AGBL4: variants seen among roughly 807,000 people sequenced by gnomAD.
AGBL4 encodes AGBL carboxypeptidase 4.
In AGBL4, 58 loss-of-function variants were observed where a neutral mutation model predicts 66.4. The ratio of observed to expected loss-of-function variants is 0.87; its 90% confidence interval spans 0.71 to 1.09. The LOEUF is 1.09. Ranked by LOEUF, AGBL4 falls within the 50% of genes least tolerant of loss-of-function variation. The pLI, the probability that AGBL4 is intolerant of heterozygous loss-of-function variation, is 0.00. For synonymous variants in AGBL4, 234 were observed against 222.9 expected (o/e 1.05, Z -0.44); for missense variants, 579 against 631.0 (o/e 0.92, Z 0.88).
chr1:48,686,839 T>C (rs947764804), intron 6 of AGBL4, among the ~76,000 whole-genome samples: 5 of 152,210 alleles, frequency 3.3e-5, no homozygotes, highest in African/African-American at 1.2e-4. Context: ...TCTGAGGGCC[T>C]AGTCAGTGCC....
At chr1:48,674,113 C>A (rs1646324270) in intron 6 of AGBL4, among the ~76,000 whole-genome samples, 1 of 152,224 alleles carries the variant, frequency 6.6e-6, no homozygotes, top group Admixed American at 6.5e-5. Flanking sequence ...ATCACACCTC[C>A]TCACACCTTT....
intron 4 of AGBL4, among the ~76,000 whole-genome samples, chr1:49,185,820 A>G (rs1257444102): frequency 6.6e-6 from 1 of 152,038 alleles, no homozygotes; most frequent in Admixed American, 6.6e-5. Context: ...TATTCTTGCA[A>G]CTATTTAAGG....
intron 2 of AGBL4, among the ~76,000 whole-genome samples, chr1:49,832,693 C>G (rs1645725468): frequency 6.6e-6 from 1 of 151,822 alleles, no homozygotes; most frequent in African/African-American, 2.4e-5. Context: ...GCCATTCTAA[C>G]TGGTGTGAGA....
chr1:49,319,047 G>T (rs1325194004), intron 3 of AGBL4, among the ~76,000 whole-genome samples: 2 of 152,114 alleles, frequency 1.3e-5, no homozygotes, highest in African/African-American at 2.4e-5. Context: ...GGGTTAGATT[G>T]GCTCTAATTA....
intron 3 of AGBL4, among the ~76,000 whole-genome samples, chr1:49,347,346 G>A (rs963608538): frequency 4.6e-5 from 7 of 150,820 alleles, no homozygotes; most frequent in African/African-American, 1.7e-4. Context: ...CTGCCACCCG[G>A]GTTCATGCCA....
chr1:49,575,210 A>T (rs1285365088), intron 3 of AGBL4, among the ~76,000 whole-genome samples: 1 of 152,218 alleles, frequency 6.6e-6, no homozygotes, highest in Non-Finnish European at 1.5e-5. Context: ...CATCATTGTC[A>T]TCCTCCAGTT....
chr1:48,632,602 TTGTTTTTTACTG>T (rs2148412319), intron 9 of AGBL4, among the ~76,000 whole-genome samples: 1 of 152,364 alleles, frequency 6.6e-6, no homozygotes, highest in African/African-American at 2.4e-5. Context: ...TTTGTTTGGT[TTGTTTTTTACTG>T]TGCCTCATCA....
chr1:49,329,770 A>G (rs1400493747), intron 3 of AGBL4, among the ~76,000 whole-genome samples: 1 of 151,992 alleles, frequency 6.6e-6, no homozygotes, highest in Non-Finnish European at 1.5e-5. Context: ...CATTAATGCT[A>G]GTTATGTGAA....
intron 3 of AGBL4, among the ~76,000 whole-genome samples, chr1:49,441,005 C>T (rs756261489): frequency 2.6e-5 from 4 of 152,108 alleles, no homozygotes; most frequent in Non-Finnish European, 5.9e-5. Context: ...GAGCTAAACC[C>T]TGTGCTGCCT....
chr1:49,906,043 G>A (rs1462716958), intron 1 of AGBL4, among the ~76,000 whole-genome samples: 1 of 151,592 alleles, frequency 6.6e-6, no homozygotes, highest in African/African-American at 2.4e-5. Flanking sequence ...AGCAGATTAT[G>A]TAGCCATTGT....
intron 10 of AGBL4, among the ~76,000 whole-genome samples, chr1:48,588,951 G>A (rs1184985528): frequency 1.3e-5 from 2 of 152,156 alleles, no homozygotes; most frequent in Non-Finnish European, 2.9e-5. Context: ...GGCAAGCCCA[G>A]AAATAAGGCT....
chr1:49,274,159 C>T (rs902804079), intron 3 of AGBL4, among the ~76,000 whole-genome samples: 1 of 152,154 alleles, frequency 6.6e-6, no homozygotes. Flanking sequence ...GAATATTTTA[C>T]AGTGACCTGT....
intron 3 of AGBL4, among the ~76,000 whole-genome samples, chr1:49,442,211 C>G (rs1646050197): frequency 6.6e-6 from 1 of 152,094 alleles, no homozygotes; most frequent in South Asian, 2.1e-4. Context: ...AGATATTAAA[C>G]ACAATCTTAC....
chr1:49,816,908 G>A (rs969623394), intron 2 of AGBL4, among the ~76,000 whole-genome samples: 1 of 152,158 alleles, frequency 6.6e-6, no homozygotes, highest in African/African-American at 2.4e-5. Context: ...GAAAGGTAAA[G>A]GTCTAAGGTG....
At chr1:49,603,679 A>G (rs1645008920) in intron 3 of AGBL4, among the ~76,000 whole-genome samples, 1 of 152,110 alleles carries the variant, frequency 6.6e-6, no homozygotes, top group African/African-American at 2.4e-5. Flanking sequence ...AGTGGTGTAC[A>G]TTATACCCAA....
intron 6 of AGBL4, among the ~76,000 whole-genome samples, chr1:48,684,167 T>C (rs897381539): frequency 1.2e-4 from 19 of 152,210 alleles, no homozygotes; most frequent in African/African-American, 4.6e-4. Flanking sequence ...TAAAGACTCA[T>C]GGGTGTGTCT....
intron 8 of AGBL4, among the ~76,000 whole-genome samples, chr1:48,639,336 T>A (rs1178710173): frequency 6.6e-6 from 1 of 152,202 alleles, no homozygotes; most frequent in Non-Finnish European, 1.5e-5. Context: ...AACATCTTAG[T>A]AAAGATGCAG....
intron 5 of AGBL4, among the ~76,000 whole-genome samples, chr1:49,005,079 T>C (rs1661679954): frequency 6.6e-6 from 1 of 152,188 alleles, no homozygotes; most frequent in African/African-American, 2.4e-5. Context: ...CCCTGCATTT[T>C]CCACTATAAC....
intron 3 of AGBL4, among the ~76,000 whole-genome samples, chr1:49,571,938 A>T (rs970577026): frequency 1.3e-5 from 2 of 152,080 alleles, no homozygotes; most frequent in Admixed American, 6.6e-5. Context: ...GTAGTCTATT[A>T]TCTTTTTATG....
Sources: gnomAD v4.1 joint callset for allele counts (sites outside exome capture counted in the v4.1 genomes callset) on GRCh38, gnomAD v4.1.1 for gene constraint, MANE v1.5 for transcripts, NCBI Gene and HGNC (gene_info 2026-07-23, HGNC 2026-07-21) for gene names.